Variants in LRRIQ3 observed in about 807,000 individuals in gnomAD.
LRRIQ3 encodes the protein leucine-rich repeat and IQ domain-containing protein 3.
LRRIQ3 carries 75 observed loss-of-function variants against 59.3 expected under a neutral mutation model. The observed-to-expected ratio is 1.26, with a 90% CI of 1.05 to 1.53. The LOEUF is 1.53. Among genes scored for constraint, LRRIQ3 ranks in the 40% most tolerant of loss-of-function variants. The pLI is 0.00. For missense variants in LRRIQ3, 831 were observed against 710.0 expected, an observed-to-expected ratio of 1.17 and a Z score of -1.94; for synonymous variants, 250 against 231.3, an observed-to-expected ratio of 1.08 and a Z score of -0.73.
chr1:74,109,594 G>T lies in LRRIQ3; in HGVS notation c.708-41C>A, dbSNP rs1457765213. The T allele has an allele frequency of 2.0e-6, 3 of 1,503,758 alleles. No individual in the cohort carries two copies. In the African/African-American group the frequency reaches 4.3e-5, roughly 22 times the overall value. The allele number at this position is 1,503,758 out of a possible 1,614,324, so 93.2% of individuals were successfully genotyped here. A position where few individuals can be genotyped will look rare whatever the true frequency, so the allele number is the denominator to read the frequency against. ...GGGGAAAACTATTTGTTAGTTTTTT[G>T]CCATTAAAAAACATGAAAATTAGTC... On this transcript the variant is annotated intron_variant, in intron 4 of 7. Coordinates refer to ENST00000354431, the MANE Select transcript of LRRIQ3 (RefSeq NM_001105659.2).
chr1:74,140,460 C>T lies in LRRIQ3; in HGVS notation c.707+15273G>A, dbSNP rs193148948. Among the ~76,000 whole-genome samples the T allele has an allele frequency of 2.0e-3, 303 of 151,918 alleles. 2 individuals carry two copies. The highest frequency in any genetic ancestry group is 6.8e-3 in the Middle Eastern group (2 of 294). On this transcript the variant is annotated intron_variant, in intron 4 of 7. Transcript: ENST00000354431. The stretch of plus-strand genomic sequence containing the variant: ...CTATAATGAAATAATAATAATACAT[C>T]TACAATCACAGTGAGAGATGTAAGT...
chr1:74,126,205 C>T (rs1266583320), intron 4 of LRRIQ3, among the ~76,000 whole-genome samples: 1 of 151,728 alleles, frequency 6.6e-6, no homozygotes, highest in Admixed American at 6.6e-5. Context: ...GATGTCTCTA[C>T]TATCATCTCT....
intron 4 of LRRIQ3, among the ~76,000 whole-genome samples, chr1:74,118,448 G>A (rs1034855683): frequency 2.6e-5 from 4 of 151,822 alleles, no homozygotes; most frequent in African/African-American, 9.7e-5. Context: ...TACTGTCTTT[G>A]TATCCAGTTT....
chr1:74,080,802 T>C (rs555429345), intron 5 of LRRIQ3, among the ~76,000 whole-genome samples: 59 of 151,752 alleles, frequency 3.9e-4, no homozygotes, highest in African/African-American at 1.4e-3. Context: ...ATTAACATAG[T>C]ATGCAAAGCC....
intron 4 of LRRIQ3, among the ~76,000 whole-genome samples, chr1:74,119,659 T>C (rs1226145987): frequency 6.6e-6 from 1 of 152,130 alleles, no homozygotes; most frequent in Non-Finnish European, 1.5e-5. Flanking sequence ...TAAACAATTT[T>C]ACCACTATCA....
intron 7 of LRRIQ3, among the ~76,000 whole-genome samples, chr1:74,038,801 A>G (rs1653951281): frequency 6.6e-6 from 1 of 152,316 alleles, no homozygotes; most frequent in South Asian, 2.1e-4. Flanking sequence ...AGAGTTCCCA[A>G]CTAAAGCCCT....
intron 6 of LRRIQ3, among the ~76,000 whole-genome samples, chr1:74,071,277 C>T (rs1655021446): frequency 6.6e-6 from 1 of 151,992 alleles, no homozygotes; most frequent in Non-Finnish European, 1.5e-5. Flanking sequence ...AGTGTTCCTC[C>T]TACCTTGGCC....
At chr1:74,028,406 G>A (rs79152502) in intron 7 of LRRIQ3, among the ~76,000 whole-genome samples, 2,920 of 152,124 alleles carry the variant, frequency 0.019, 81 homozygotes, top group African/African-American at 0.067. Flanking sequence ...GACTAAGTGG[G>A]TTGATACATT....
intron 6 of LRRIQ3, among the ~76,000 whole-genome samples, chr1:74,049,904 A>T (rs1160355131): frequency 6.7e-6 from 1 of 148,254 alleles, no homozygotes; most frequent in African/African-American, 2.5e-5. Context: ...GAGGAAAATG[A>T]CACCTTTGTG....
At chr1:74,094,142 C>A (rs72687684) in intron 5 of LRRIQ3, among the ~76,000 whole-genome samples, 7,400 of 151,938 alleles carry the variant, frequency 0.049, 258 homozygotes, top group Middle Eastern at 0.099. Flanking sequence ...GATTCTTAAT[C>A]CTATCAGGTC....
At chr1:74,117,680 C>A (rs968136241) in intron 4 of LRRIQ3, among the ~76,000 whole-genome samples, 1 of 152,078 alleles carries the variant, frequency 6.6e-6, no homozygotes, top group African/African-American at 2.4e-5. Context: ...GCAGGAGAAT[C>A]ACTTAAACTC....
intron 6 of LRRIQ3, among the ~76,000 whole-genome samples, chr1:74,055,007 A>T (rs1654483032): frequency 6.8e-6 from 1 of 147,630 alleles, no homozygotes; most frequent in Non-Finnish European, 1.5e-5. Flanking sequence ...AATATATTTT[A>T]AATAATATGT....
intron 7 of LRRIQ3, 35 bp from the exon 8 acceptor site, chr1:74,027,004 C>T: frequency 3.7e-6 from 5 of 1,358,256 alleles, no homozygotes; most frequent in Non-Finnish European, 5.0e-6. Context: ...GAATGAGATA[C>T]TTTTAAATAC....
At chr1:74,106,299 T>C (rs2100554058) in intron 5 of LRRIQ3, among the ~76,000 whole-genome samples, 1 of 152,116 alleles carries the variant, frequency 6.6e-6, no homozygotes, top group Admixed American at 6.6e-5. Context: ...ACAGATGCTT[T>C]CTCTCCTTCC....
intron 6 of LRRIQ3, among the ~76,000 whole-genome samples, chr1:74,045,029 G>A (rs1236332990): frequency 6.6e-6 from 1 of 152,134 alleles, no homozygotes; most frequent in Non-Finnish European, 1.5e-5. Flanking sequence ...TTCTACTAGA[G>A]GTACTAAGAG....
intron 1 of LRRIQ3, among the ~76,000 whole-genome samples, chr1:74,191,208 T>C (rs1338362730): frequency 2.0e-5 from 3 of 152,154 alleles, no homozygotes; most frequent in Non-Finnish European, 4.4e-5. Context: ...TGCAAAATTA[T>C]TCTTTAAAAG....
intron 5 of LRRIQ3, among the ~76,000 whole-genome samples, chr1:74,085,169 T>C (rs1646313597): frequency 2.0e-5 from 3 of 151,830 alleles, no homozygotes; most frequent in African/African-American, 7.2e-5. Context: ...TCACAAAATA[T>C]ATGAAAATGA....
In LRRIQ3 at chr1:74,151,340, CAT is replaced by C. The variant is rs1647935063; in HGVS notation, c.707+4391_707+4392del. On this transcript the variant is annotated intron_variant, in intron 4 of 7. Coordinates refer to ENST00000354431, the MANE Select transcript of LRRIQ3 (RefSeq NM_001105659.2). ...TGTGGGATAATAGTTATGGCAGTGA[CAT>C]AGTTTTCTAATTTCTCCAGATTCCT... is the stretch of plus-strand genomic sequence containing the variant. Among the ~76,000 whole-genome samples the C allele has an allele frequency of 2.6e-5, 4 of 152,062 alleles. No homozygotes were observed. In the South Asian group the frequency reaches 6.2e-4, roughly 24 times the overall value.
chr1:74,044,649 AC>A (rs1156921749), intron 6 of LRRIQ3, among the ~76,000 whole-genome samples: 1 of 152,048 alleles, frequency 6.6e-6, no homozygotes, highest in African/African-American at 2.4e-5. Context: ...GTCACAAAAA[AC>A]CCTTCAAAAA....
Sources: allele counts gnomAD v4.1 joint callset (sites outside exome capture counted in the v4.1 genomes callset), GRCh38; gene constraint gnomAD v4.1.1; transcripts MANE v1.5; gene names NCBI Gene and HGNC (gene_info 2026-07-23, HGNC 2026-07-21).